The following LRRTM4 variants were observed in gnomAD, a reference collection of about 807,000 sequenced individuals.
LRRTM4 encodes leucine rich repeat transmembrane neuronal 4, also known as leucine-rich repeat transmembrane neuronal protein 4.
In LRRTM4, 25 loss-of-function variants were observed where a neutral mutation model predicts 47.6. The observed-to-expected ratio is 0.53, with a 90% CI of 0.38 to 0.73. The LOEUF is 0.73. Among genes scored for constraint, LRRTM4 ranks in the 30% least tolerant of loss-of-function variants. The pLI is 0.00. For synonymous variants in LRRTM4, 311 were observed against 269.5 expected (o/e 1.15, Z -1.51); for missense variants, 638 against 713.4 (o/e 0.89, Z 1.20).
chr2:76,765,718 G>A (rs1673428650), intron 3 of LRRTM4, among the ~76,000 whole-genome samples: 1 of 152,148 alleles, frequency 6.6e-6, no homozygotes, highest in Non-Finnish European at 1.5e-5. Context: ...TTGGACTTCT[G>A]GCCTCCAGGA....
intron 3 of LRRTM4, among the ~76,000 whole-genome samples, chr2:77,126,442 T>A (rs1170002151): frequency 6.6e-6 from 1 of 152,180 alleles, no homozygotes; most frequent in African/African-American, 2.4e-5. Flanking sequence ...ATTTATTGTA[T>A]CTTCTCTTTG....
At chr2:77,500,764 A>G (rs1268551979) in intron 3 of LRRTM4, among the ~76,000 whole-genome samples, 1 of 151,602 alleles carries the variant, frequency 6.6e-6, no homozygotes, top group Non-Finnish European at 1.5e-5. Context: ...GGGTACTGAC[A>G]TAATAATTCT....
At position 77,376,936 on chromosome 2, in the gene LRRTM4, T is replaced by A. The variant is rs574610111; in HGVS notation, c.1551+141382A>T. ...GAATAACTACAAGAACTATTTGTAA[T>A]TCTTCCTTATGGGAGATTTGTCTCT... On this transcript the variant is annotated intron_variant, in intron 3 of 3. Transcript: ENST00000409884. Among the ~76,000 whole-genome samples, 20 of 152,086 alleles carry A rather than the reference T, an allele frequency of 1.3e-4. No homozygotes were observed. The East Asian group carries it at 3.7e-3, about 28-fold the overall frequency.
intron 3 of LRRTM4, among the ~76,000 whole-genome samples, chr2:76,979,302 G>T (rs1333481238): frequency 1.3e-5 from 2 of 151,862 alleles, no homozygotes; most frequent in Non-Finnish European, 2.9e-5. Flanking sequence ...CCTCACTTCT[G>T]CCTGCAGATT....
intron 3 of LRRTM4, among the ~76,000 whole-genome samples, chr2:77,209,299 C>A (rs947041806): frequency 6.6e-6 from 1 of 152,058 alleles, no homozygotes; most frequent in Non-Finnish European, 1.5e-5. Context: ...TTACCAGCAA[C>A]TGAGGACTGG....
intron 3 of LRRTM4, among the ~76,000 whole-genome samples, chr2:76,825,173 A>G (rs1671156986): frequency 6.6e-6 from 1 of 151,612 alleles, no homozygotes; most frequent in Non-Finnish European, 1.5e-5. Context: ...GAAGGAAATA[A>G]AGAGGATTAA....
chr2:77,509,759 A>G (rs971230785), intron 3 of LRRTM4, among the ~76,000 whole-genome samples: 1 of 152,170 alleles, frequency 6.6e-6, no homozygotes, highest in Non-Finnish European at 1.5e-5. Flanking sequence ...AGTTACTTGG[A>G]AAGTTATTAT....
chr2:77,165,810 T>C (rs1247923529), intron 3 of LRRTM4, among the ~76,000 whole-genome samples: 1 of 152,190 alleles, frequency 6.6e-6, no homozygotes, highest in African/African-American at 2.4e-5. Flanking sequence ...GGACGTTATC[T>C]CAAAATAATA....
chr2:77,183,572 C>T lies in LRRTM4; in HGVS notation c.1551+334746G>A, dbSNP rs566872313. On this transcript the variant is annotated intron_variant, in intron 3 of 3. Transcript: ENST00000409884. Reference sequence around the variant, plus strand: ...GAATTACCATGTGACCCAGCCATCCCATTACTGGGTATATACCCAAAGGAT... The same window carrying T: ...GAATTACCATGTGACCCAGCCATCCTATTACTGGGTATATACCCAAAGGAT... Among the ~76,000 whole-genome samples, 179 of 152,258 alleles carry T rather than the reference C, an allele frequency of 1.2e-3. 1 individual carries two copies. The highest frequency in any genetic ancestry group is 2.2e-3 in the Non-Finnish European group (148 of 68,016).
intron 3 of LRRTM4, among the ~76,000 whole-genome samples, chr2:77,115,699 G>A (rs527797688): frequency 3.9e-5 from 6 of 152,008 alleles, no homozygotes; most frequent in South Asian, 4.2e-4. Context: ...GAATCATGTA[G>A]GACAAAGTAT....
At chr2:77,383,390 T>A (rs1673137359) in intron 3 of LRRTM4, among the ~76,000 whole-genome samples, 1 of 152,018 alleles carries the variant, frequency 6.6e-6, no homozygotes. Context: ...ATCCGGATGA[T>A]CTTTCTTCTA....
chr2:76,847,312 A>T (rs1671864488), intron 3 of LRRTM4, among the ~76,000 whole-genome samples: 1 of 152,206 alleles, frequency 6.6e-6, no homozygotes, highest in Admixed American at 6.5e-5. Context: ...TTTCCGATAG[A>T]AAAGATGTTT....
intron 3 of LRRTM4, among the ~76,000 whole-genome samples, chr2:77,233,511 T>C (rs759198326): frequency 3.2e-4 from 49 of 152,334 alleles, no homozygotes; most frequent in African/African-American, 8.9e-4. Context: ...TTGATGTTTT[T>C]ATTTCTAAAT....
intron 3 of LRRTM4, among the ~76,000 whole-genome samples, chr2:76,781,678 G>C (rs1028907434): frequency 6.6e-6 from 1 of 152,176 alleles, no homozygotes; most frequent in African/African-American, 2.4e-5. Context: ...AGATTAACCC[G>C]GTACCTCAGA....
chr2:77,290,754 G>C (rs1387407196), intron 3 of LRRTM4, among the ~76,000 whole-genome samples: 1 of 151,908 alleles, frequency 6.6e-6, no homozygotes, highest in East Asian at 1.9e-4. Flanking sequence ...CTTCACAACA[G>C]AGCCATACCT....
intron 3 of LRRTM4, among the ~76,000 whole-genome samples, chr2:76,909,608 T>C (rs1319705464): frequency 9.2e-5 from 14 of 151,782 alleles, no homozygotes; most frequent in African/African-American, 3.2e-4. Context: ...GACAAAGGGC[T>C]AATATCCAGA....
At chr2:77,296,557 T>C (rs1012272919) in intron 3 of LRRTM4, among the ~76,000 whole-genome samples, 1 of 152,236 alleles carries the variant, frequency 6.6e-6, no homozygotes, top group Non-Finnish European at 1.5e-5. Context: ...TTTTTCCTTA[T>C]AACTTCTACT....
chr2:77,489,987 C>T (rs67562337), intron 3 of LRRTM4, among the ~76,000 whole-genome samples: 33,451 of 152,106 alleles, frequency 0.22, 3,942 homozygotes, highest in Middle Eastern at 0.31. Flanking sequence ...TGGTGGCTAA[C>T]GCCTGTAATC....
chr2:77,064,350 G>T (rs1679884940), intron 3 of LRRTM4, among the ~76,000 whole-genome samples: 1 of 151,888 alleles, frequency 6.6e-6, no homozygotes, highest in Admixed American at 6.6e-5. Flanking sequence ...CATTTATTGT[G>T]GTATATATAT....
Sources: allele counts gnomAD v4.1 joint callset (sites outside exome capture counted in the v4.1 genomes callset), GRCh38; gene constraint gnomAD v4.1.1; transcripts MANE v1.5; gene names NCBI Gene and HGNC (gene_info 2026-07-23, HGNC 2026-07-21).